Variants in CAP2 observed in about 807,000 individuals in gnomAD.
CAP2 encodes adenylyl cyclase-associated protein 2.
In CAP2, 24 loss-of-function variants were observed where a neutral mutation model predicts 57.7. The observed-to-expected ratio is 0.42, with a 90% CI of 0.30 to 0.58. The LOEUF is 0.58. CAP2 is among the 20% of genes least tolerant of loss of function. CAP2 has a pLI of 0.22. For missense variants in CAP2, 501 were observed against 590.3 expected (o/e 0.85, Z 1.57); for synonymous variants, 194 against 207.2 (o/e 0.94, Z 0.55).
chr6:17,396,926 C>T (rs1056812267), intron 1 of CAP2, among the ~76,000 whole-genome samples: 2 of 152,182 alleles, frequency 1.3e-5, no homozygotes, highest in Admixed American at 1.3e-4. Flanking sequence ...TGCCTGCTCT[C>T]ATGTCCCTCC....
At chr6:17,415,224 C>T (rs1405709603) in intron 1 of CAP2, among the ~76,000 whole-genome samples, 1 of 152,200 alleles carries the variant, frequency 6.6e-6, no homozygotes, top group Admixed American at 6.5e-5. Context: ...GAAAGACCCA[C>T]CTCTTTTATT....
In CAP2 at chr6:17,556,447, C is replaced by G; in HGVS notation, c.*5C>G. On this transcript the variant is annotated 3_prime_UTR_variant, in exon 13 of 13. Coordinates refer to ENST00000229922, the MANE Select transcript of CAP2 (RefSeq NM_006366.3). Reference sequence around the variant, plus strand: ...CCTGCAGAAATTATGGCCTAACTTCCTGAGAGACCGAACCCCCTCACCTGA... The same window carrying G: ...CCTGCAGAAATTATGGCCTAACTTCGTGAGAGACCGAACCCCCTCACCTGA... 1 of 1,600,726 alleles carries G rather than the reference C, an allele frequency of 6.2e-7. No homozygotes were observed. The highest frequency in any genetic ancestry group is 8.6e-7 in the Non-Finnish European group (1 of 1,167,852).
At chr6:17,397,069 TTC>T (rs1389552282) in intron 1 of CAP2, among the ~76,000 whole-genome samples, 3 of 152,146 alleles carry the variant, frequency 2.0e-5, no homozygotes, top group African/African-American at 7.2e-5. Context: ...TAATCTCGCA[TTC>T]TCTTTTGAGA....
At chr6:17,530,003 T>G (rs1762604817) in intron 7 of CAP2, among the ~76,000 whole-genome samples, 1 of 152,102 alleles carries the variant, frequency 6.6e-6, no homozygotes, top group African/African-American at 2.4e-5. Context: ...AGTTCCATTG[T>G]AAAGCATTGT....
intron 3 of CAP2, among the ~76,000 whole-genome samples, chr6:17,450,121 G>A (rs56364398): frequency 2.6e-5 from 4 of 150,988 alleles, no homozygotes; most frequent in Non-Finnish European, 5.9e-5. Flanking sequence ...GCACGATCTC[G>A]GCTCACTGCA....
At chr6:17,414,317 T>G (rs1303428652) in intron 1 of CAP2, among the ~76,000 whole-genome samples, 1 of 152,076 alleles carries the variant, frequency 6.6e-6, no homozygotes, top group Non-Finnish European at 1.5e-5. Context: ...GGGATACATG[T>G]GCAGAACATG....
intron 4 of CAP2, among the ~76,000 whole-genome samples, chr6:17,476,382 G>A (rs78711119): frequency 0.06 from 9,091 of 152,212 alleles, 879 homozygotes; most frequent in African/African-American, 0.2. Flanking sequence ...AATTTGAAAT[G>A]TCTTTTCATA....
chr6:17,522,032 C>T (rs1015805805), intron 7 of CAP2, among the ~76,000 whole-genome samples: 13 of 152,062 alleles, frequency 8.5e-5, no homozygotes, highest in Non-Finnish European at 1.3e-4. Flanking sequence ...TCGCTTGAAC[C>T]TGGGAGGTGG....
intron 1 of CAP2, among the ~76,000 whole-genome samples, chr6:17,410,820 A>G (rs1002899339): frequency 6.6e-6 from 1 of 152,070 alleles, no homozygotes; most frequent in Non-Finnish European, 1.5e-5. Flanking sequence ...CGGCCTCCCA[A>G]AGTGCTGGGA....
At chr6:17,524,596 A>G (rs1007002275) in intron 7 of CAP2, among the ~76,000 whole-genome samples, 4 of 152,190 alleles carry the variant, frequency 2.6e-5, no homozygotes, top group African/African-American at 9.6e-5. Flanking sequence ...ATTCACTTTT[A>G]ATTATAGGCA....
At chr6:17,430,217 T>A (rs1056121555) in intron 3 of CAP2, among the ~76,000 whole-genome samples, 1 of 152,182 alleles carries the variant, frequency 6.6e-6, no homozygotes, top group African/African-American at 2.4e-5. Flanking sequence ...ATCTAATAGC[T>A]ACAATTAGGA....
rs569213537 is a variant in CAP2, at chr6:17,531,130, C to T, written c.637-8139C>T. ...AGAGATTGAGCCATCAAAGCCTCAT[C>T]TGTCAAAGCAATTCGCTTCTTACTG... is the stretch of plus-strand genomic sequence containing the variant. On this transcript the variant is annotated intron_variant, in intron 7 of 12. Coordinates refer to ENST00000229922, the MANE Select transcript of CAP2 (RefSeq NM_006366.3). The T allele has an allele frequency of 5.1e-5, 39 of 762,476 alleles. No individual in the cohort carries two copies. In the South Asian group the frequency reaches 5.1e-4, roughly 10 times the overall value. The allele number at this position is 762,476 out of a possible 1,614,324, so 47.2% of individuals were successfully genotyped here. A position where few individuals can be genotyped will look rare whatever the true frequency, so the allele number is the denominator to read the frequency against.
chr6:17,516,508 G>A (rs1762276461), intron 7 of CAP2, among the ~76,000 whole-genome samples: 1 of 152,192 alleles, frequency 6.6e-6, no homozygotes, highest in Admixed American at 6.6e-5. Flanking sequence ...ATTGGGTACA[G>A]TGTATACTGC....
chr6:17,460,290 G>A (rs1483495913), intron 3 of CAP2, among the ~76,000 whole-genome samples: 4 of 151,974 alleles, frequency 2.6e-5, no homozygotes, highest in Admixed American at 2.6e-4. Context: ...ACAACTGAGA[G>A]CTTGTTGAAG....
chr6:17,398,101 A>G (rs1218619328), intron 1 of CAP2, among the ~76,000 whole-genome samples: 1 of 152,232 alleles, frequency 6.6e-6, no homozygotes, highest in East Asian at 1.9e-4. Context: ...TGGAAAATCT[A>G]AAATTTCACA....
chr6:17,541,078 C>A lies in CAP2; in HGVS notation c.932C>A (p.Thr311Lys). The change falls in exon 9 of 13, where the codon ACA (threonine) becomes AAA (lysine). Residue 311 changes from threonine to lysine, a missense_variant. Thr to Lys is a moderately conservative substitution (Grantham distance 78). Transcript: ENST00000229922. ...SPTKSHTPSP[T>K]SPKSYPSQKH... ...ACCAAAAGTCACACTCCAAGTCCCA[C>A]ATCTCCTAAATCTTATCCTTCTCAA... 6.2e-7 allele frequency: 1 copy of A among 1,614,116 alleles called. No homozygotes were observed. The highest frequency in any genetic ancestry group is 8.5e-7 in the Non-Finnish European group (1 of 1,179,978).
intron 4 of CAP2, among the ~76,000 whole-genome samples, chr6:17,486,888 C>T (rs970578757): frequency 7.1e-6 from 1 of 140,294 alleles, no homozygotes; most frequent in African/African-American, 3.4e-5. Flanking sequence ...CACACCGTCA[C>T]GGTCACCCCC....
chr6:17,541,585 A>G (rs1244228671), intron 9 of CAP2, among the ~76,000 whole-genome samples: 1 of 152,152 alleles, frequency 6.6e-6, no homozygotes, highest in South Asian at 2.1e-4. Context: ...GTCTCAAAAA[A>G]AAAGAATGGG....
At chr6:17,546,844 G>A (rs1354037011) in intron 11 of CAP2, among the ~76,000 whole-genome samples, 2 of 152,140 alleles carry the variant, frequency 1.3e-5, no homozygotes, top group Non-Finnish European at 2.9e-5. Context: ...AGTCAGGCAG[G>A]AGAAGGAAAT....
Sources: gnomAD v4.1 joint callset for allele counts (sites outside exome capture counted in the v4.1 genomes callset) on GRCh38, gnomAD v4.1.1 for gene constraint, MANE v1.5 for transcripts, NCBI Gene and HGNC (gene_info 2026-07-23, HGNC 2026-07-21) for gene names.